The following LRRC4C variants were observed in gnomAD, a reference collection of about 807,000 sequenced individuals.
LRRC4C encodes the protein leucine rich repeat containing 4C.
A neutral mutation model predicts 33.6 loss-of-function variants in LRRC4C; 5 were observed. The observed-to-expected ratio is 0.15, with a 90% CI of 0.08 to 0.31. The LOEUF (loss-of-function observed/expected upper bound fraction) is 0.31. Ranked by LOEUF, LRRC4C falls within the 10% of genes least tolerant of loss-of-function variation. The pLI is 1.00. For missense variants in LRRC4C, 560 were observed against 796.7 expected (o/e 0.70, Z 3.58); for synonymous variants, 329 against 302.0 (o/e 1.09, Z -0.93).
At chr11:40,185,927 T>C (rs1379042182) in intron 5 of LRRC4C, among the ~76,000 whole-genome samples, 1 of 152,136 alleles carries the variant, frequency 6.6e-6, no homozygotes, top group African/African-American at 2.4e-5. Context: ...AGTTCCTTAT[T>C]GTCCTCACAG....
At chr11:40,294,290 T>A (rs1944397222) in intron 4 of LRRC4C, among the ~76,000 whole-genome samples, 1 of 152,026 alleles carries the variant, frequency 6.6e-6, no homozygotes, top group Non-Finnish European at 1.5e-5. Context: ...CCAGAACAGC[T>A]GAGTCTAAAA....
intron 3 of LRRC4C, among the ~76,000 whole-genome samples, chr11:40,577,129 G>A (rs1958225646): frequency 6.6e-6 from 1 of 152,128 alleles, no homozygotes; most frequent in Non-Finnish European, 1.5e-5. Flanking sequence ...ATCACAGTGT[G>A]ATCCAAAGCA....
At chr11:40,560,529 T>A (rs1247698878) in intron 3 of LRRC4C, among the ~76,000 whole-genome samples, 2 of 152,044 alleles carry the variant, frequency 1.3e-5, no homozygotes, top group African/African-American at 4.8e-5. Context: ...TTTTCCCACT[T>A]TATTTGCGTG....
At chr11:41,151,001 C>A (rs1465208053) in intron 1 of LRRC4C, among the ~76,000 whole-genome samples, 1 of 151,712 alleles carries the variant, frequency 6.6e-6, no homozygotes, top group Non-Finnish European at 1.5e-5. Flanking sequence ...AACTCCATTC[C>A]ACCTGCTCCC....
At chr11:40,983,491 C>T (rs111431771) in intron 1 of LRRC4C, among the ~76,000 whole-genome samples, 3,227 of 152,172 alleles carry the variant, frequency 0.021, 121 homozygotes, top group African/African-American at 0.069. Flanking sequence ...AAAGCAATTG[C>T]AACAAAAGCA....
chr11:41,205,694 C>A (rs1054794518), intron 1 of LRRC4C, among the ~76,000 whole-genome samples: 27 of 152,150 alleles, frequency 1.8e-4, no homozygotes, highest in African/African-American at 6.3e-4. Context: ...TAATAACCTT[C>A]AGGAATTCCT....
chr11:41,063,288 A>T (rs1240911254), intron 1 of LRRC4C, among the ~76,000 whole-genome samples: 2 of 152,228 alleles, frequency 1.3e-5, no homozygotes, highest in African/African-American at 4.8e-5. Context: ...TAGGGATGTA[A>T]TAGTAAACAA....
rs142300355 is a variant in LRRC4C, at chr11:40,629,121, G to A, written c.-270+19021C>T. Among the ~76,000 whole-genome samples the A allele has an allele frequency of 3.4e-3, 521 of 152,206 alleles. 4 individuals carry two copies. The highest frequency in any genetic ancestry group is 0.012 in the African/African-American group (496 of 41,552). On this transcript the variant is annotated intron_variant, in intron 3 of 6. Transcript: ENST00000528697. ...ACATGTTTATTATTTTGTATTATGTGTAGAAGATAAAAATATAAAAATTGG... is the reference window on the plus strand; with the variant it reads ...ACATGTTTATTATTTTGTATTATGTATAGAAGATAAAAATATAAAAATTGG...
At chr11:41,172,185 TG>T (rs891360341) in intron 1 of LRRC4C, among the ~76,000 whole-genome samples, 5 of 152,252 alleles carry the variant, frequency 3.3e-5, no homozygotes, top group African/African-American at 1.2e-4. Context: ...AAACATTCAA[TG>T]TGCCAAGCTA....
chr11:40,780,598 C>G (rs1030309928), intron 2 of LRRC4C, among the ~76,000 whole-genome samples: 3 of 151,880 alleles, frequency 2.0e-5, no homozygotes, highest in African/African-American at 7.3e-5. Context: ...GGTGTTTGAC[C>G]TTTTTTAAAT....
In LRRC4C at chr11:41,181,264, A is replaced by G. The variant is rs376786570; in HGVS notation, c.-495-247541T>C. Among the ~76,000 whole-genome samples the G allele has an allele frequency of 2.8e-4, 42 of 152,128 alleles. No homozygotes were observed. In the South Asian group the frequency reaches 8.7e-3, roughly 32 times the overall value. ...CTTACACACAACTTTACCAAAATGG[A>G]TATTAGATTTTTTCAGGGATTCTTT... On this transcript the variant is annotated intron_variant, in intron 1 of 6. Coordinates refer to ENST00000528697, the MANE Select transcript of LRRC4C (RefSeq NM_001258419.2).
chr11:40,405,154 T>TA (rs1324742220), intron 3 of LRRC4C, among the ~76,000 whole-genome samples: 1 of 151,816 alleles, frequency 6.6e-6, no homozygotes, highest in Non-Finnish European at 1.5e-5. Context: ...TTTTTTTTTT[T>TA]AAAGATTCTA....
intron 5 of LRRC4C, among the ~76,000 whole-genome samples, chr11:40,190,732 A>T (rs1400005981): frequency 6.6e-6 from 1 of 152,218 alleles, no homozygotes; most frequent in Non-Finnish European, 1.5e-5. Flanking sequence ...CTAGAAAGTA[A>T]GGATTTCTTG....
At chr11:40,336,334 A>G (rs974940861) in intron 3 of LRRC4C, among the ~76,000 whole-genome samples, 41 of 152,018 alleles carry the variant, frequency 2.7e-4, no homozygotes, top group African/African-American at 9.2e-4. Context: ...AGTGATGTGC[A>G]CTATTTTGGG....
rs576025820 is a variant in LRRC4C, at chr11:40,587,842, G to A, written c.-270+60300C>T. 9.2e-5 allele frequency among the ~76,000 whole-genome samples: 14 copies of A among 152,254 alleles called. No individual in the cohort carries two copies. In the South Asian group the frequency reaches 1.0e-3, roughly 11 times the overall value. On this transcript the variant is annotated intron_variant, in intron 3 of 6. Coordinates refer to ENST00000528697, the MANE Select transcript of LRRC4C (RefSeq NM_001258419.2). Reference sequence around the variant, plus strand: ...GGATAAAGCCCACTTGATCATGGTGGATAAGCTTTTTGATGTGCTGCTGGA... The same window carrying A: ...GGATAAAGCCCACTTGATCATGGTGAATAAGCTTTTTGATGTGCTGCTGGA...
intron 1 of LRRC4C, among the ~76,000 whole-genome samples, chr11:40,980,519 G>T (rs1326287364): frequency 1.3e-5 from 2 of 152,028 alleles, no homozygotes; most frequent in South Asian, 4.2e-4. Flanking sequence ...CATTTCTGGG[G>T]TATGTAAATA....
At chr11:40,733,426 C>T (rs1020213863) in intron 2 of LRRC4C, among the ~76,000 whole-genome samples, 1 of 151,990 alleles carries the variant, frequency 6.6e-6, no homozygotes, top group Non-Finnish European at 1.5e-5. Context: ...TTATACAATC[C>T]TCAGAACTAT....
At chr11:41,166,791 C>T (rs1944749003) in intron 1 of LRRC4C, among the ~76,000 whole-genome samples, 1 of 152,104 alleles carries the variant, frequency 6.6e-6, no homozygotes. Context: ...GAATATGGTC[C>T]ACTTCATGCC....
chr11:40,363,591 G>T lies in LRRC4C; in HGVS notation c.-269-43870C>A. On this transcript the variant is annotated intron_variant, in intron 3 of 6. Coordinates refer to ENST00000528697, the MANE Select transcript of LRRC4C (RefSeq NM_001258419.2). The stretch of plus-strand genomic sequence containing the variant: ...AGTAAAAAAAAAAAACTGTTTCAAG[G>T]ACTTTAAAAGATAACCTCACAAGAA... 1.3e-5 allele frequency among the ~76,000 whole-genome samples: 2 copies of T among 152,034 alleles called. 1 individual carries two copies. Among genetic ancestry groups the T allele is most frequent in the East Asian group, 3.8e-4 (2 of 5,196 alleles).
Sources: allele counts gnomAD v4.1 joint callset (sites outside exome capture counted in the v4.1 genomes callset), GRCh38; gene constraint gnomAD v4.1.1; transcripts MANE v1.5; gene names NCBI Gene and HGNC (gene_info 2026-07-23, HGNC 2026-07-21).